PARD3B: variants seen among roughly 807,000 people sequenced by gnomAD.
PARD3B encodes the protein par-3 family cell polarity regulator beta.
Under a neutral mutation model 130.2 loss-of-function variants are expected in PARD3B, and 103 were observed. The observed-to-expected ratio is 0.79, with a 90% CI of 0.67 to 0.93. The LOEUF (loss-of-function observed/expected upper bound fraction) is 0.93. PARD3B is among the 40% of genes least tolerant of loss of function. The probability of loss-of-function intolerance (pLI) is 0.00; values close to 1 mark genes in which losing one functional copy is unlikely to be tolerated. For synonymous variants in PARD3B, 583 were observed against 553.2 expected (o/e 1.05, Z -0.76); for missense variants, 1,609 against 1,499.2 (o/e 1.07, Z -1.21).
At chr2:205,092,379 G>A (rs1991919) in intron 4 of PARD3B, among the ~76,000 whole-genome samples, 81,986 of 151,874 alleles carry the variant, frequency 0.54, 22,684 homozygotes, top group South Asian at 0.64. Context: ...TAGGGTTGCC[G>A]AGGAAGTGGT....
chr2:205,029,414 T>G (rs1230076573), intron 3 of PARD3B, among the ~76,000 whole-genome samples: 1 of 152,166 alleles, frequency 6.6e-6, no homozygotes, highest in Non-Finnish European at 1.5e-5. Flanking sequence ...CTTTCCCCTA[T>G]GGGCTTGGAG....
At chr2:205,472,706 A>G (rs907168539) in intron 20 of PARD3B, among the ~76,000 whole-genome samples, 1 of 152,196 alleles carries the variant, frequency 6.6e-6, no homozygotes, top group African/African-American at 2.4e-5. Flanking sequence ...TGGTTCTTAC[A>G]GTTCTCAGGT....
At chr2:205,381,092 TATATA>T (rs2045410333) in intron 18 of PARD3B, among the ~76,000 whole-genome samples, 1 of 99,820 alleles carries the variant, frequency 1.0e-5, no homozygotes, top group Non-Finnish European at 1.8e-5. Flanking sequence ...ATATAAAGAA[TATATA>T]ATATATAAAG....
At position 205,011,943 on chromosome 2, in the gene PARD3B, A is replaced by G. The variant is rs1432632119; in HGVS notation, c.395-35638A>G. Reference sequence around the variant, plus strand: ...AGAATGGGCAGTCTCTGGAGCACAGACTGAGGAATGGAAATGGGCCAAGGC... The same window carrying G: ...AGAATGGGCAGTCTCTGGAGCACAGGCTGAGGAATGGAAATGGGCCAAGGC... On this transcript the variant is annotated intron_variant, in intron 3 of 22. Coordinates refer to ENST00000406610, the MANE Select transcript of PARD3B (RefSeq NM_001302769.2). This position sits in a 1 kb window ranked among gnomAD's most constrained non-coding sequence, Gnocchi z 4.1. 6.6e-6 allele frequency among the ~76,000 whole-genome samples: 1 copy of G among 152,164 alleles called. No individual in the cohort carries two copies. The highest frequency in any genetic ancestry group is 1.5e-5 in the Non-Finnish European group (1 of 68,036).
intron 2 of PARD3B, among the ~76,000 whole-genome samples, chr2:204,886,738 C>T (rs369641168): frequency 5.9e-5 from 9 of 152,264 alleles, no homozygotes; most frequent in Non-Finnish European, 8.8e-5. Flanking sequence ...CCCATAAAAA[C>T]GATTTGGTTC....
intron 14 of PARD3B, among the ~76,000 whole-genome samples, chr2:205,190,689 A>T (rs1335175058): frequency 1.3e-5 from 2 of 152,150 alleles, no homozygotes; most frequent in Admixed American, 6.5e-5. Context: ...GGTGACCTTT[A>T]ATCCCTTCTG....
At chr2:204,973,573 CAA>C (rs35677886) in intron 3 of PARD3B, among the ~76,000 whole-genome samples, 13 of 133,050 alleles carry the variant, frequency 9.8e-5, no homozygotes, top group Admixed American at 1.5e-4. Flanking sequence ...GATGGGCAGG[CAA>C]AAAAAAAAAA....
chr2:205,067,095 C>CT (rs10672449), intron 4 of PARD3B, among the ~76,000 whole-genome samples: 2,296 of 59,140 alleles, frequency 0.039, 300 homozygotes, highest in Non-Finnish European at 0.043. Flanking sequence ...TTTTACTAGG[C>CT]TTTTTTTTTT....
chr2:204,992,847 A>G (rs1021248921), intron 3 of PARD3B, among the ~76,000 whole-genome samples: 220 of 141,710 alleles, frequency 1.6e-3, no homozygotes, highest in Admixed American at 2.8e-3. Context: ...GCAATTGTGA[A>G]TGGGAGTTCA....
At chr2:205,222,150 A>T (rs1442579108) in intron 15 of PARD3B, among the ~76,000 whole-genome samples, 1 of 148,522 alleles carries the variant, frequency 6.7e-6, no homozygotes, top group African/African-American at 2.5e-5. Context: ...AATACCCAGA[A>T]AGTTAATGAA....
intron 2 of PARD3B, among the ~76,000 whole-genome samples, chr2:204,949,209 C>CT (rs1393245816): frequency 6.6e-6 from 1 of 152,194 alleles, no homozygotes; most frequent in African/African-American, 2.4e-5. Flanking sequence ...GGTAGAAACT[C>CT]TAGGTACAAA....
chr2:204,788,796 A>G (rs1169011891), intron 2 of PARD3B, among the ~76,000 whole-genome samples: 1 of 152,188 alleles, frequency 6.6e-6, no homozygotes, highest in East Asian at 1.9e-4. Context: ...ATAATAGCAA[A>G]ATAATTATGG....
At chr2:205,504,165 G>T (rs1378507623) in intron 21 of PARD3B, among the ~76,000 whole-genome samples, 1 of 152,118 alleles carries the variant, frequency 6.6e-6, no homozygotes, top group African/African-American at 2.4e-5. Context: ...TTTAATAAAT[G>T]GTGCTGGGAA....
chr2:204,646,490 C>T (rs1043085304), intron 1 of PARD3B, among the ~76,000 whole-genome samples: 1 of 151,948 alleles, frequency 6.6e-6, no homozygotes, highest in African/African-American at 2.4e-5. Context: ...TATAATCATT[C>T]CCTCATATTA....
rs60473341 is a variant in PARD3B at position 204,861,924 on chromosome 2, C to CAAAAAAAAAA, written c.223-103210_223-103201dup. On this transcript the variant is annotated intron_variant, in intron 2 of 22. Coordinates refer to ENST00000406610, the MANE Select transcript of PARD3B (RefSeq NM_001302769.2). ...AAGACATTTAAAAGAAGACATTTCTCAAAAAAAAAAAAAAAAAAAAAAAAA... is the reference window on the plus strand; with the variant it reads ...AAGACATTTAAAAGAAGACATTTCTCAAAAAAAAAAAAAAAAAAAAAAAAAAAAAAAAAAA... Among the ~76,000 whole-genome samples the CAAAAAAAAAA allele has an allele frequency of 1.5e-3, 50 of 34,080 alleles. 2 individuals are homozygous for CAAAAAAAAAA. The highest frequency in any genetic ancestry group is 4.1e-3 in the African/African-American group (47 of 11,386). 22.4% of individuals were successfully genotyped at this position (34,080 alleles called of 152,430 possible). A position where few individuals can be genotyped will look rare whatever the true frequency, so the allele number is the denominator to read the frequency against.
At chr2:204,920,479 C>T (rs750841886) in intron 2 of PARD3B, among the ~76,000 whole-genome samples, 7 of 152,208 alleles carry the variant, frequency 4.6e-5, no homozygotes, top group African/African-American at 7.2e-5. Flanking sequence ...TACAGCTCTA[C>T]GTTTGAGGCT....
At chr2:205,377,058 C>T (rs867868089) in intron 18 of PARD3B, among the ~76,000 whole-genome samples, 2 of 152,150 alleles carry the variant, frequency 1.3e-5, no homozygotes, top group Admixed American at 6.6e-5. Flanking sequence ...GTTCTACACA[C>T]TTTATAACAA....
intron 1 of PARD3B, among the ~76,000 whole-genome samples, chr2:204,557,485 C>A (rs1310073582): frequency 1.3e-5 from 2 of 152,170 alleles, no homozygotes; most frequent in Non-Finnish European, 2.9e-5. Flanking sequence ...GTCTCTACAT[C>A]CCAAGAACAG....
chr2:205,183,325 C>A lies in PARD3B; in HGVS notation c.1925-2439C>A, dbSNP rs2035898284. Among the ~76,000 whole-genome samples the A allele has an allele frequency of 6.6e-6, 1 of 152,174 alleles. No homozygotes were observed. The highest frequency in any genetic ancestry group is 2.1e-4 in the South Asian group (1 of 4,834). On this transcript the variant is annotated intron_variant, in intron 13 of 22. Coordinates refer to ENST00000406610, the MANE Select transcript of PARD3B (RefSeq NM_001302769.2). The surrounding 1 kb of genome is among the most constrained non-coding windows in gnomAD (Gnocchi z 5.2). ...GATTTTGAGCAACAAGTTACATGATCACAAATACGTTCACCATCACTGTGG... is the reference window on the plus strand; with the variant it reads ...GATTTTGAGCAACAAGTTACATGATAACAAATACGTTCACCATCACTGTGG...
Sources: allele counts gnomAD v4.1 joint callset (sites outside exome capture counted in the v4.1 genomes callset), GRCh38; gene constraint gnomAD v4.1.1; non-coding constraint Gnocchi (gnomAD v3.1); transcripts MANE v1.5; gene names NCBI Gene and HGNC (gene_info 2026-07-23, HGNC 2026-07-21).